Variants in UBE2W observed in about 807,000 individuals in gnomAD.
UBE2W encodes the protein ubiquitin conjugating enzyme E2 W.
A neutral mutation model predicts 27.2 loss-of-function variants in UBE2W; 18 were observed. The ratio of observed to expected loss-of-function variants is 0.66; its 90% confidence interval spans 0.46 to 0.98. The LOEUF (loss-of-function observed/expected upper bound fraction) is 0.98, where lower values mean the gene tolerates loss of function less well. Ranked by LOEUF, UBE2W falls within the 50% of genes least tolerant of loss-of-function variation. UBE2W has a pLI of 0.00. For synonymous variants in UBE2W, 53 were observed against 57.2 expected, an observed-to-expected ratio of 0.93 and a Z score of 0.33; for missense variants, 90 against 180.2, an observed-to-expected ratio of 0.50 and a Z score of 2.87.
At chr8:73,840,349 T>A (rs893490209) in intron 1 of UBE2W, among the ~76,000 whole-genome samples, 2 of 152,140 alleles carry the variant, frequency 1.3e-5, no homozygotes, top group South Asian at 4.1e-4. Context: ...AGACACCACA[T>A]CCAGCCAAAG....
chr8:73,800,762 A>T (rs564445982), intron 5 of UBE2W, among the ~76,000 whole-genome samples: 1 of 152,290 alleles, frequency 6.6e-6, no homozygotes, highest in African/African-American at 2.4e-5. Context: ...CAAAGTATGG[A>T]TTTCTCAGTA....
intron 2 of UBE2W, 52 bp from the exon 3 acceptor site, chr8:73,825,301 G>GGAGGAGAAAA: frequency 7.3e-7 from 1 of 1,364,924 alleles, no homozygotes; most frequent in Non-Finnish European, 1.0e-6. Flanking sequence ...ACTGGGGTAA[G>GGAGGAGAAAA]GAGGAGAAAA....
chr8:73,802,050 T>C (rs998664363), intron 5 of UBE2W, among the ~76,000 whole-genome samples: 1 of 152,228 alleles, frequency 6.6e-6, no homozygotes, highest in African/African-American at 2.4e-5. Context: ...TATATAATAA[T>C]AAAGTACTAC....
intron 5 of UBE2W, among the ~76,000 whole-genome samples, chr8:73,794,870 G>GAAA (rs745852858): frequency 1.9e-4 from 20 of 103,556 alleles, no homozygotes; most frequent in Admixed American, 1.7e-3. Flanking sequence ...AAAAAAAAAA[G>GAAA]AAAAAAAAAA....
rs777927055 is a variant in UBE2W, at chr8:73,793,872, T to C, written c.*230A>G. 2.4e-4 allele frequency: 298 copies of C among 1,258,506 alleles called. No individual in the cohort carries two copies. Among genetic ancestry groups the C allele is most frequent in the Non-Finnish European group, 2.9e-4 (290 of 994,792 alleles). 78.0% of individuals were successfully genotyped at this position (1,258,506 alleles called of 1,614,324 possible). ...AAATGGAATTATATTTGACATTTCC[T>C]GACACCTGCATTAATACTGTATGAC... On this transcript the variant is annotated 3_prime_UTR_variant, in exon 6 of 6. Coordinates refer to ENST00000602593, the MANE Select transcript of UBE2W (RefSeq NM_018299.6).
rs368841087 is a variant in UBE2W, at chr8:73,793,731, T to C, written c.*371A>G. On this transcript the variant is annotated 3_prime_UTR_variant, in exon 6 of 6. Coordinates refer to ENST00000602593, the MANE Select transcript of UBE2W (RefSeq NM_018299.6). ...GGCAGGAGTTAATGAAAACTTTTCCTGTTACAACGCCCATTGCCGGCAATG... is the reference window on the plus strand; with the variant it reads ...GGCAGGAGTTAATGAAAACTTTTCCCGTTACAACGCCCATTGCCGGCAATG... 1 of 1,010,196 alleles carries C rather than the reference T, an allele frequency of 9.9e-7. No homozygotes were observed. 62.6% of individuals were successfully genotyped at this position (1,010,196 alleles called of 1,614,324 possible).
chr8:73,839,414 T>A (rs575289335), intron 1 of UBE2W, among the ~76,000 whole-genome samples: 70 of 150,418 alleles, frequency 4.7e-4, no homozygotes, highest in Middle Eastern at 3.5e-3. Flanking sequence ...CACTTTGAGA[T>A]GCCAAGGTGG....
At chr8:73,797,021 A>G (rs927035216) in intron 5 of UBE2W, among the ~76,000 whole-genome samples, 3 of 152,358 alleles carry the variant, frequency 2.0e-5, no homozygotes, top group African/African-American at 7.2e-5. Context: ...AATGGCCTGA[A>G]GAAAAATCTA....
intron 1 of UBE2W, among the ~76,000 whole-genome samples, chr8:73,841,552 T>G (rs1401372351): frequency 2.0e-5 from 3 of 152,200 alleles, no homozygotes; most frequent in Non-Finnish European, 4.4e-5. Context: ...AATTTCTCCA[T>G]GCTTTCAGAG....
intron 1 of UBE2W, among the ~76,000 whole-genome samples, chr8:73,833,056 G>A (rs535060207): frequency 7.2e-5 from 11 of 151,942 alleles, no homozygotes; most frequent in Admixed American, 4.6e-4. Context: ...GTGGTGGCGC[G>A]TGCCTGTAGT....
chr8:73,864,011 T>C (rs1457225107), intron 1 of UBE2W, among the ~76,000 whole-genome samples: 2 of 150,472 alleles, frequency 1.3e-5, no homozygotes, highest in Non-Finnish European at 3.0e-5. Flanking sequence ...GAAAGCAGAA[T>C]CAAACAAGAA....
intron 3 of UBE2W, among the ~76,000 whole-genome samples, chr8:73,811,338 T>A (rs1433259326): frequency 6.6e-6 from 1 of 152,226 alleles, no homozygotes; most frequent in African/African-American, 2.4e-5. Context: ...GTAATAAATC[T>A]ATTATTTCCT....
At chr8:73,851,246 C>G (rs1372114207) in intron 1 of UBE2W, among the ~76,000 whole-genome samples, 1 of 150,178 alleles carries the variant, frequency 6.7e-6, no homozygotes, top group Non-Finnish European at 1.5e-5. Flanking sequence ...AAGAAAGCAA[C>G]AGGGTGGTAG....
At chr8:73,861,838 T>C (rs1811545390) in intron 1 of UBE2W, among the ~76,000 whole-genome samples, 1 of 152,086 alleles carries the variant, frequency 6.6e-6, no homozygotes, top group African/African-American at 2.4e-5. Flanking sequence ...TTGTATAAAA[T>C]GGCCATCAAA....
At position 73,789,359 on chromosome 8, in the gene UBE2W, A is replaced by C. The variant is rs990144580; in HGVS notation, c.*4743T>G. On this transcript the variant is annotated 3_prime_UTR_variant, in exon 6 of 6. Transcript: ENST00000602593. ...AAAAAAAAATTCTATCCATCCAGGC[A>C]TGGTGGCACACACCTGTAGACTCAG... is the stretch of plus-strand genomic sequence containing the variant. The C allele has an allele frequency of 1.5e-5, 3 of 205,668 alleles. No homozygotes were observed. The highest frequency in any genetic ancestry group is 2.4e-5 in the Non-Finnish European group (3 of 123,034). 12.7% of individuals were successfully genotyped at this position (205,668 alleles called of 1,614,324 possible). A position where few individuals can be genotyped will look rare whatever the true frequency, so the allele number is the denominator to read the frequency against.
chr8:73,843,965 G>A (rs1189837778), intron 1 of UBE2W, among the ~76,000 whole-genome samples: 1 of 151,970 alleles, frequency 6.6e-6, no homozygotes, highest in African/African-American at 2.4e-5. Context: ...CTTCAGCCTG[G>A]CAACAGAGCA....
chr8:73,869,782 T>C (rs1041252008), intron 1 of UBE2W, among the ~76,000 whole-genome samples: 1 of 152,064 alleles, frequency 6.6e-6, no homozygotes, highest in Admixed American at 6.6e-5. Context: ...GAGGATCACT[T>C]GAACCCAGGA....
chr8:73,835,560 T>C (rs890952224), intron 1 of UBE2W, among the ~76,000 whole-genome samples: 2 of 152,118 alleles, frequency 1.3e-5, no homozygotes. Flanking sequence ...CTGACTAATA[T>C]GGTGAAAACC....
In UBE2W at chr8:73,791,015, C is replaced by G. The variant is rs1808168079; in HGVS notation, c.*3087G>C. The G allele has an allele frequency of 1.0e-6, 1 of 983,046 alleles. No individual in the cohort carries two copies. 60.9% of individuals were successfully genotyped at this position (983,046 alleles called of 1,614,324 possible). A position where few individuals can be genotyped will look rare whatever the true frequency, so the allele number is the denominator to read the frequency against. On this transcript the variant is annotated 3_prime_UTR_variant, in exon 6 of 6. Transcript: ENST00000602593. ...ATATTGATATTCCTAGTCAAAACAA[C>G]AAGGAATTAAGATCTTTCTCCAGGT...
Sources: gnomAD v4.1 joint callset for allele counts (sites outside exome capture counted in the v4.1 genomes callset) on GRCh38, gnomAD v4.1.1 for gene constraint, MANE v1.5 for transcripts, NCBI Gene and HGNC (gene_info 2026-07-23, HGNC 2026-07-21) for gene names.